Variants in INSC observed in about 807,000 individuals in gnomAD.
INSC encodes INSC spindle orientation adaptor protein.
A neutral mutation model predicts 58.6 loss-of-function variants in INSC; 67 were observed. The ratio of observed to expected loss-of-function variants is 1.14; its 90% CI spans 0.94 to 1.40. INSC has a LOEUF of 1.40. INSC is among the 40% of genes most tolerant of loss of function. The pLI is 0.00. For missense variants in INSC, 714 were observed against 692.0 expected (o/e 1.03, Z -0.36); for synonymous variants, 262 against 276.1 (o/e 0.95, Z 0.51).
chr11:15,170,840 T>C (rs889034767), intron 2 of INSC, among the ~76,000 whole-genome samples: 4 of 152,052 alleles, frequency 2.6e-5, no homozygotes, highest in African/African-American at 9.7e-5. Context: ...CCAGATAATA[T>C]AGACAGGCAC....
intron 1 of INSC, among the ~76,000 whole-genome samples, chr11:15,138,257 G>C (rs1414326211): frequency 6.6e-6 from 1 of 152,074 alleles, no homozygotes; most frequent in Non-Finnish European, 1.5e-5. Flanking sequence ...TGAAAAATTG[G>C]AAATATTATG....
chr11:15,225,550 C>A, intron 8 of INSC, 100 bp from the exon 9 acceptor site: 1 of 1,214,400 alleles, frequency 8.2e-7, no homozygotes, highest in Non-Finnish European at 1.1e-6. Context: ...ATTATAACAC[C>A]TGCTCAAACG....
chr11:15,118,211 C>G (rs904909210), intron 1 of INSC, among the ~76,000 whole-genome samples: 5 of 152,210 alleles, frequency 3.3e-5, no homozygotes, highest in Admixed American at 3.3e-4. Context: ...TTTACTGCCT[C>G]CTTGCCTGGG....
rs145506306 is a variant in INSC, at chr11:15,183,443, A to ATGTG, written c.579+5008_579+5011dup. Among the ~76,000 whole-genome samples the ATGTG allele has an allele frequency of 4.4e-4, 66 of 149,420 alleles. 1 individual carries two copies. Among genetic ancestry groups the ATGTG allele is most frequent in the East Asian group, 1.8e-3 (9 of 5,094 alleles). On this transcript the variant is annotated intron_variant, in intron 5 of 12. Coordinates refer to ENST00000379556, the MANE Select transcript of INSC (RefSeq NM_001042536.3). ...AATTCAGATATATTGTAGTGTGTGT[A>ATGTG]TGTGTGTGTGTGTGTATGTGTGTTG...
chr11:15,170,692 C>G (rs370147245), intron 2 of INSC, among the ~76,000 whole-genome samples: 17 of 152,170 alleles, frequency 1.1e-4, no homozygotes, highest in Admixed American at 5.9e-4. Flanking sequence ...AAATGATTCA[C>G]TAAGTGTACC....
At chr11:15,217,820 A>G (rs944512806) in intron 7 of INSC, among the ~76,000 whole-genome samples, 6 of 152,240 alleles carry the variant, frequency 3.9e-5, no homozygotes, top group African/African-American at 9.6e-5. Context: ...AAGTGGAGAC[A>G]TGCAGGTTAA....
chr11:15,236,475 G>A (rs1174425363), intron 10 of INSC, among the ~76,000 whole-genome samples: 1 of 152,216 alleles, frequency 6.6e-6, no homozygotes, highest in Non-Finnish European at 1.5e-5. Context: ...GGGAGAGCAG[G>A]TCAGGGCAAC....
intron 2 of INSC, among the ~76,000 whole-genome samples, chr11:15,160,170 G>A (rs1848967137): frequency 6.6e-6 from 1 of 152,190 alleles, no homozygotes; most frequent in Admixed American, 6.5e-5. Flanking sequence ...GAGAGACAGA[G>A]TGCTTACAGA....
At chr11:15,222,165 A>G (rs796395608) in intron 8 of INSC, among the ~76,000 whole-genome samples, 6 of 152,334 alleles carry the variant, frequency 3.9e-5, no homozygotes, top group African/African-American at 1.4e-4. Flanking sequence ...AGGTTCCCCT[A>G]TTCAAACATA....
Position 15,149,244 on chromosome 11 carries a change from C to T in INSC, c.56+14C>T. Reference sequence around the variant, plus strand: ...GCCGGGTCAGCGGTAAGTCCTACAGCTGTCACTCCAGGCCAGGCCTGCCCC... The same window carrying T: ...GCCGGGTCAGCGGTAAGTCCTACAGTTGTCACTCCAGGCCAGGCCTGCCCC... On this transcript the variant is annotated intron_variant, in intron 2 of 12. Transcript: ENST00000379556. 6.4e-7 allele frequency: 1 copy of T among 1,574,124 alleles called. No individual in the cohort carries two copies. Among genetic ancestry groups the T allele is most frequent in the Non-Finnish European group, 8.6e-7 (1 of 1,159,942 alleles).
intron 1 of INSC, among the ~76,000 whole-genome samples, chr11:15,131,565 G>T (rs1848126633): frequency 6.6e-6 from 1 of 152,086 alleles, no homozygotes; most frequent in Non-Finnish European, 1.5e-5. Flanking sequence ...ACAGAATTGT[G>T]TTGAAGTGTA....
intron 9 of INSC, among the ~76,000 whole-genome samples, chr11:15,227,839 G>A (rs1564915528): frequency 6.6e-6 from 1 of 152,064 alleles, no homozygotes; most frequent in African/African-American, 2.4e-5. Flanking sequence ...CATAATTTTA[G>A]GTTCTTTCAC....
chr11:15,120,202 A>T (rs900437074), intron 1 of INSC, among the ~76,000 whole-genome samples: 1 of 152,232 alleles, frequency 6.6e-6, no homozygotes, highest in African/African-American at 2.4e-5. Flanking sequence ...AAGTACAACC[A>T]AAACTGATTC....
intron 7 of INSC, among the ~76,000 whole-genome samples, chr11:15,218,512 C>T (rs887799695): frequency 2.0e-5 from 3 of 152,078 alleles, no homozygotes; most frequent in African/African-American, 7.2e-5. Context: ...TACATCTAAA[C>T]ATACAGGTGT....
chr11:15,142,914 C>T (rs967256347), intron 1 of INSC, among the ~76,000 whole-genome samples: 2 of 151,944 alleles, frequency 1.3e-5, no homozygotes, highest in South Asian at 4.1e-4. Context: ...GCGCTTTCAA[C>T]GCACAGTGCA....
chr11:15,225,289 T>G (rs1851589149), intron 8 of INSC, among the ~76,000 whole-genome samples: 1 of 152,238 alleles, frequency 6.6e-6, no homozygotes, highest in South Asian at 2.1e-4. Flanking sequence ...TGCATAGTAA[T>G]TTTTAAAAGC....
At chr11:15,134,494 C>T (rs748353448) in intron 1 of INSC, among the ~76,000 whole-genome samples, 1 of 152,160 alleles carries the variant, frequency 6.6e-6, no homozygotes, top group Admixed American at 6.5e-5. Flanking sequence ...GGTATTTACT[C>T]CATTCCACCA....
At chr11:15,203,906 C>T (rs1179577363) in intron 7 of INSC, among the ~76,000 whole-genome samples, 4 of 151,596 alleles carry the variant, frequency 2.6e-5, no homozygotes, top group African/African-American at 7.3e-5. Flanking sequence ...CTGTGAAATT[C>T]GAAGTTCAGC....
the INSC span, among the ~76,000 whole-genome samples, chr11:15,268,569 C>T: frequency 6.6e-6 from 1 of 152,022 alleles, no homozygotes; most frequent in East Asian, 1.9e-4. Flanking sequence ...TATTTTAAAA[C>T]AAATGAATTG....
Sources: gnomAD v4.1 joint callset for allele counts (sites outside exome capture counted in the v4.1 genomes callset) on GRCh38, gnomAD v4.1.1 for gene constraint, MANE v1.5 for transcripts, NCBI Gene and HGNC (gene_info 2026-07-23, HGNC 2026-07-21) for gene names.